The following CTNNA3 variants were observed in gnomAD, a reference collection of about 807,000 sequenced individuals.
CTNNA3 encodes the protein catenin alpha 3.
Under a neutral mutation model 95.7 loss-of-function variants are expected in CTNNA3, and 76 were observed. The ratio of observed to expected loss-of-function variants is 0.79; its 90% CI spans 0.66 to 0.96. CTNNA3 has a LOEUF of 0.96. Ranked by LOEUF, CTNNA3 falls within the 40% of genes least tolerant of loss-of-function variation. CTNNA3 has a pLI of 0.00. For missense variants in CTNNA3, 1,191 were observed against 1,089.8 expected, an observed-to-expected ratio of 1.09 and a Z score of -1.31; for synonymous variants, 431 against 374.4, an observed-to-expected ratio of 1.15 and a Z score of -1.74.
intron 13 of CTNNA3, among the ~76,000 whole-genome samples, chr10:66,178,399 G>GTA (rs71035113): frequency 0.01 from 924 of 90,550 alleles, 4 homozygotes; most frequent in African/African-American, 0.015. Flanking sequence ...CCTTGAAAGT[G>GTA]TATATATATA....
intron 5 of CTNNA3, among the ~76,000 whole-genome samples, chr10:67,458,752 C>T (rs151322012): frequency 1.3e-5 from 2 of 152,178 alleles, no homozygotes; most frequent in Non-Finnish European, 1.5e-5. Context: ...ACCATCAGAT[C>T]TCTTAAGAAT....
rs150833588 is a variant in CTNNA3 at position 67,027,602 on chromosome 10, C to T, written c.1047+152715G>A. On this transcript the variant is annotated intron_variant, in intron 7 of 17. Transcript: ENST00000433211. ...CATGTGCGCCACCATGCCCAGCTAA[C>T]TTTTTTGTATTTTTAGTAGAGACAG... Among the ~76,000 whole-genome samples, 876 of 151,758 alleles carry T rather than the reference C, an allele frequency of 5.8e-3. 9 individuals are homozygous for T. Among genetic ancestry groups the T allele is most frequent in the African/African-American group, 0.02 (833 of 41,420 alleles).
At chr10:67,640,664 C>A (rs1218788916) in intron 2 of CTNNA3, among the ~76,000 whole-genome samples, 3 of 152,096 alleles carry the variant, frequency 2.0e-5, no homozygotes, top group Non-Finnish European at 2.9e-5. Flanking sequence ...GAGATATCGA[C>A]CAATGGAACA....
chr10:66,776,173 G>A (rs1840290704), intron 7 of CTNNA3, among the ~76,000 whole-genome samples: 1 of 152,104 alleles, frequency 6.6e-6, no homozygotes, highest in African/African-American at 2.4e-5. Flanking sequence ...AGCACATAGA[G>A]AGTCACCTTG....
chr10:66,916,861 C>T (rs1305977556), intron 7 of CTNNA3, among the ~76,000 whole-genome samples: 1 of 152,110 alleles, frequency 6.6e-6, no homozygotes, highest in Admixed American at 6.6e-5. Flanking sequence ...AAACAATTTT[C>T]TTTTCCTTTT....
intron 7 of CTNNA3, among the ~76,000 whole-genome samples, chr10:66,987,488 A>T (rs188808170): frequency 1.3e-5 from 2 of 152,220 alleles, no homozygotes; most frequent in South Asian, 4.1e-4. Flanking sequence ...GCCCAGAAAG[A>T]CTTTGTTATT....
At chr10:65,990,999 C>A (rs1481007030) in intron 15 of CTNNA3, among the ~76,000 whole-genome samples, 1 of 152,068 alleles carries the variant, frequency 6.6e-6, no homozygotes, top group African/African-American at 2.4e-5. Context: ...GTTTTCCCAG[C>A]ACCATTTATT....
rs1419705202 is a variant in CTNNA3 at position 67,322,251 on chromosome 10, G to C, written c.580-102381C>G. 2.0e-5 allele frequency among the ~76,000 whole-genome samples: 3 copies of C among 151,936 alleles called. No individual in the cohort carries two copies. The East Asian group carries it at 5.8e-4, about 29-fold the overall frequency. ...TTTATAACTTTTATTTTAAGTTCAGGGTACATGTGCAGGTTTGTTATATAG... is the reference window on the plus strand; with the variant it reads ...TTTATAACTTTTATTTTAAGTTCAGCGTACATGTGCAGGTTTGTTATATAG... On this transcript the variant is annotated intron_variant, in intron 5 of 17. Coordinates refer to ENST00000433211, the MANE Select transcript of CTNNA3 (RefSeq NM_013266.4).
chr10:66,365,350 A>G (rs1267428092), intron 12 of CTNNA3, among the ~76,000 whole-genome samples: 1 of 152,142 alleles, frequency 6.6e-6, no homozygotes, highest in African/African-American at 2.4e-5. Flanking sequence ...ACACATGGAC[A>G]CAGGGAGGGG....
chr10:66,322,383 C>A (rs1589084176), intron 12 of CTNNA3, among the ~76,000 whole-genome samples: 1 of 152,054 alleles, frequency 6.6e-6, no homozygotes, highest in East Asian at 1.9e-4. Context: ...TGCCTGGAGG[C>A]ACTTCCTAGA....
At chr10:67,308,976 C>T (rs1840671189) in intron 5 of CTNNA3, among the ~76,000 whole-genome samples, 1 of 152,062 alleles carries the variant, frequency 6.6e-6, no homozygotes, top group Non-Finnish European at 1.5e-5. Context: ...ACCTCTTAAC[C>T]TTAATTCCAA....
chr10:67,182,383 G>A (rs1405815390), intron 6 of CTNNA3, among the ~76,000 whole-genome samples: 22 of 151,652 alleles, frequency 1.5e-4, no homozygotes, highest in African/African-American at 4.1e-4. Flanking sequence ...CAGAAATAAA[G>A]CCAATCTACA....
intron 7 of CTNNA3, among the ~76,000 whole-genome samples, chr10:67,138,462 T>C (rs983962734): frequency 1.3e-5 from 2 of 152,220 alleles, no homozygotes; most frequent in African/African-American, 2.4e-5. Flanking sequence ...TGCCTGAGCA[T>C]CTAACTTATC....
At chr10:67,045,288 C>T (rs1460118515) in intron 7 of CTNNA3, among the ~76,000 whole-genome samples, 1 of 152,150 alleles carries the variant, frequency 6.6e-6, no homozygotes, top group Non-Finnish European at 1.5e-5. Flanking sequence ...AAGAAACCAT[C>T]TTTGTTCCCA....
intron 15 of CTNNA3, among the ~76,000 whole-genome samples, chr10:66,006,590 T>C (rs2078889880): frequency 6.6e-6 from 1 of 152,176 alleles, no homozygotes; most frequent in Non-Finnish European, 1.5e-5. Context: ...CTCTTTTTCC[T>C]GTTGGCAGTG....
intron 3 of CTNNA3, among the ~76,000 whole-genome samples, chr10:67,601,214 C>T (rs1433194261): frequency 6.6e-6 from 1 of 152,174 alleles, no homozygotes; most frequent in Admixed American, 6.5e-5. Flanking sequence ...TGGCTTAGAA[C>T]AGTTGTCCCC....
intron 5 of CTNNA3, among the ~76,000 whole-genome samples, chr10:67,280,212 A>G (rs971574476): frequency 1.3e-5 from 2 of 150,292 alleles, no homozygotes; most frequent in African/African-American, 4.9e-5. Context: ...GAGCTTTCCA[A>G]AAGGCACAGA....
At chr10:67,635,508 G>T (rs796168151) in intron 2 of CTNNA3, among the ~76,000 whole-genome samples, 1 of 152,164 alleles carries the variant, frequency 6.6e-6, no homozygotes, top group Middle Eastern at 3.4e-3. Context: ...TGCAAGGTTG[G>T]TTCAACATAT....
At chr10:67,303,016 C>G (rs777409887) in intron 5 of CTNNA3, among the ~76,000 whole-genome samples, 2 of 152,158 alleles carry the variant, frequency 1.3e-5, no homozygotes, top group African/African-American at 4.8e-5. Context: ...GGACCTCACC[C>G]GAGACCTATT....
Sources: allele counts gnomAD v4.1 joint callset (sites outside exome capture counted in the v4.1 genomes callset), GRCh38; gene constraint gnomAD v4.1.1; transcripts MANE v1.5; gene names NCBI Gene and HGNC (gene_info 2026-07-23, HGNC 2026-07-21).